DGKB: variants seen among roughly 807,000 people sequenced by gnomAD.
DGKB encodes the protein diacylglycerol kinase beta.
A neutral mutation model predicts 114.3 loss-of-function variants in DGKB; 67 were observed. That is an observed-to-expected ratio of 0.59 (90% CI 0.48 to 0.72). The LOEUF (loss-of-function observed/expected upper bound fraction) is 0.72, where lower values mean the gene tolerates loss of function less well. DGKB is among the 30% of genes least tolerant of loss of function. The pLI, the probability that DGKB is intolerant of heterozygous loss-of-function variation, is 0.00. For synonymous variants in DGKB, 398 were observed against 323.1 expected, an observed-to-expected ratio of 1.23 and a Z score of -2.49; for missense variants, 907 against 975.2, an observed-to-expected ratio of 0.93 and a Z score of 0.93.
At chr7:14,518,423 T>A (rs1003639512) in intron 20 of DGKB, among the ~76,000 whole-genome samples, 1 of 151,750 alleles carries the variant, frequency 6.6e-6, no homozygotes, top group Admixed American at 6.6e-5. Context: ...ACACAACACA[T>A]AATTTACCTA....
intron 17 of DGKB, among the ~76,000 whole-genome samples, chr7:14,601,348 T>C (rs532374853): frequency 1.3e-5 from 2 of 152,214 alleles, no homozygotes; most frequent in East Asian, 3.9e-4. Flanking sequence ...GGGCCTGTGA[T>C]GGGAGTGGCA....
In DGKB at chr7:14,753,924, T is replaced by G; in HGVS notation, c.168+4A>C. ...AGACTTTAATAGAAAAGAAAATGTCTTACTTGGTTAAGAATGTCTTGTTTC... is the reference window on the plus strand; with the variant it reads ...AGACTTTAATAGAAAAGAAAATGTCGTACTTGGTTAAGAATGTCTTGTTTC... On this transcript the variant is annotated splice_donor_region_variant and intron_variant, in intron 4 of 25. Coordinates refer to ENST00000402815, the MANE Select transcript of DGKB (RefSeq NM_001350709.2). The G allele has an allele frequency of 6.7e-7, 1 of 1,501,136 alleles. No individual in the cohort carries two copies. Among genetic ancestry groups the G allele is most frequent in the South Asian group, 1.2e-5 (1 of 83,332 alleles). The allele number at this position is 1,501,136 out of a possible 1,614,324, so 93.0% of individuals were successfully genotyped here.
chr7:14,870,127 C>A (rs1458655090), intron 1 of DGKB, among the ~76,000 whole-genome samples: 2 of 152,072 alleles, frequency 1.3e-5, no homozygotes, highest in Non-Finnish European at 2.9e-5. Context: ...GTATGAAAAA[C>A]CTTTCTAAAC....
chr7:14,735,122 A>C (rs1383628695), intron 5 of DGKB, among the ~76,000 whole-genome samples: 1 of 152,172 alleles, frequency 6.6e-6, no homozygotes, highest in Non-Finnish European at 1.5e-5. Flanking sequence ...ACAAAAGCAC[A>C]ATGAGCTCCC....
chr7:14,699,524 GC>G (rs2129007426), intron 7 of DGKB, among the ~76,000 whole-genome samples: 1 of 151,988 alleles, frequency 6.6e-6, no homozygotes, highest in South Asian at 2.1e-4. Flanking sequence ...TATACAAAAG[GC>G]ATTTATTTTG....
intron 1 of DGKB, among the ~76,000 whole-genome samples, chr7:14,963,701 C>G (rs940786700): frequency 2.0e-5 from 3 of 152,062 alleles, no homozygotes; most frequent in African/African-American, 7.2e-5. Context: ...ATTTGATTGC[C>G]AGATAGGTTT....
intron 23 of DGKB, among the ~76,000 whole-genome samples, chr7:14,283,787 G>A (rs1385981271): frequency 3.3e-5 from 5 of 152,094 alleles, no homozygotes; most frequent in Non-Finnish European, 5.9e-5. Context: ...TTAATAAATG[G>A]TGCTGGGAAA....
At chr7:14,187,934 G>GAAACAATTCAATAAAATCAGGA (rs1440760044) in intron 23 of DGKB, among the ~76,000 whole-genome samples, 2 of 151,788 alleles carry the variant, frequency 1.3e-5, no homozygotes, top group Non-Finnish European at 2.9e-5. Flanking sequence ...AGAACACAGA[G>GAAACAATTCAATAAAATCAGGA]AAACAATTCA....
At chr7:14,651,050 C>T (rs1354378648) in intron 13 of DGKB, among the ~76,000 whole-genome samples, 2 of 152,146 alleles carry the variant, frequency 1.3e-5, no homozygotes, top group Non-Finnish European at 1.5e-5. Context: ...GGATTCACAG[C>T]CGAATTCTAC....
chr7:14,580,758 T>G, intron 19 of DGKB, 104 bp downstream of exon 19: 2 of 730,470 alleles, frequency 2.7e-6, no homozygotes, highest in Non-Finnish European at 4.5e-6. Context: ...ATCAGTTATC[T>G]TCACTGAAAT....
At chr7:14,950,553 A>G (rs1786132690) in intron 1 of DGKB, among the ~76,000 whole-genome samples, 1 of 152,010 alleles carries the variant, frequency 6.6e-6, no homozygotes, top group African/African-American at 2.4e-5. Context: ...AAATTACTAA[A>G]ATCAAGAATT....
intron 17 of DGKB, among the ~76,000 whole-genome samples, chr7:14,597,498 G>C: frequency 6.6e-6 from 1 of 151,902 alleles, no homozygotes; most frequent in Non-Finnish European, 1.5e-5. Context: ...TCTGCTTTTC[G>C]GAGTGTGTTT....
At chr7:14,720,530 A>T (rs1482132162) in intron 5 of DGKB, among the ~76,000 whole-genome samples, 3 of 148,008 alleles carry the variant, frequency 2.0e-5, no homozygotes, top group Non-Finnish European at 4.4e-5. Context: ...TGTTTAGTAG[A>T]GATGGTGTTT....
intron 25 of DGKB, among the ~76,000 whole-genome samples, chr7:14,150,587 T>C (rs749059193): frequency 1.3e-5 from 2 of 152,084 alleles, no homozygotes; most frequent in Admixed American, 6.6e-5. Flanking sequence ...CAAAAATAAA[T>C]TGCACCTGTA....
At chr7:14,358,592 C>T (rs1280386898) in intron 21 of DGKB, among the ~76,000 whole-genome samples, 1 of 152,122 alleles carries the variant, frequency 6.6e-6, no homozygotes, top group Non-Finnish European at 1.5e-5. Flanking sequence ...AGCTGATAAG[C>T]AACTTCAGCA....
intron 21 of DGKB, among the ~76,000 whole-genome samples, chr7:14,355,074 A>G (rs2217571): frequency 0.42 from 64,349 of 151,900 alleles, 14,471 homozygotes; most frequent in African/African-American, 0.58. Flanking sequence ...AGCAAATAGC[A>G]GAAGAATTGC....
chr7:14,773,462 C>A (rs948594111), intron 2 of DGKB, among the ~76,000 whole-genome samples: 5 of 151,948 alleles, frequency 3.3e-5, no homozygotes, highest in African/African-American at 4.8e-5. Flanking sequence ...CTAAAAGGTA[C>A]AGAGTCAGTG....
At chr7:14,192,680 G>A (rs1784474557) in intron 23 of DGKB, among the ~76,000 whole-genome samples, 2 of 152,110 alleles carry the variant, frequency 1.3e-5, no homozygotes. Flanking sequence ...AGGTGGTTTT[G>A]AGATGATCCA....
chr7:14,564,672 C>T (rs1343930439), intron 20 of DGKB, among the ~76,000 whole-genome samples: 2 of 152,140 alleles, frequency 1.3e-5, no homozygotes, highest in African/African-American at 2.4e-5. Flanking sequence ...TGCATCTTCA[C>T]TGGCCCAATT....
Sources: allele counts gnomAD v4.1 joint callset (sites outside exome capture counted in the v4.1 genomes callset), GRCh38; gene constraint gnomAD v4.1.1; transcripts MANE v1.5; gene names NCBI Gene and HGNC (gene_info 2026-07-23, HGNC 2026-07-21).